MROH7: variants seen among roughly 807,000 people sequenced by gnomAD.
MROH7 encodes maestro heat like repeat family member 7, also known as maestro heat-like repeat-containing protein family member 7.
MROH7 carries 113 observed loss-of-function variants against 129.2 expected under a neutral mutation model. That is an observed-to-expected ratio of 0.87 (90% CI 0.75 to 1.02). The LOEUF (loss-of-function observed/expected upper bound fraction) is 1.02, where lower values mean the gene tolerates loss of function less well. Among genes scored for constraint, MROH7 ranks in the 50% least tolerant of loss-of-function variants. MROH7 has a pLI of 0.00. For missense variants in MROH7, 1,601 were observed against 1,671.3 expected (o/e 0.96, Z 0.73); for synonymous variants, 655 against 667.9 (o/e 0.98, Z 0.30).
chr1:54,709,163 T>C, intron 23 of MROH7, 87 bp downstream of exon 23: 1 of 1,262,170 alleles, frequency 7.9e-7, no homozygotes, highest in African/African-American at 1.5e-5. Context: ...AGGGAAGGGA[T>C]GTGTCCCAAG....
chr1:54,679,580 G>T lies in MROH7; in HGVS notation c.2226+141G>T. ...CTAAGCCATGGGGCAGGGAAGGGGT[G>T]CTGGTGGCTGAGTTCTAGGTGCTCC... On this transcript the variant is annotated intron_variant, in intron 12 of 23. Coordinates refer to ENST00000421030, the MANE Select transcript of MROH7 (RefSeq NM_001039464.4). 3.1e-6 allele frequency: 3 copies of T among 956,626 alleles called. No homozygotes were observed. In the South Asian group the frequency reaches 5.2e-5, roughly 16 times the overall value. 59.3% of individuals were successfully genotyped at this position (956,626 alleles called of 1,614,324 possible). A position where few individuals can be genotyped will look rare whatever the true frequency, so the allele number is the denominator to read the frequency against.
At chr1:54,708,932 T>C in intron 22 of MROH7, 82 bp from the exon 23 acceptor site, 3 of 1,183,056 alleles carry the variant, frequency 2.5e-6, no homozygotes, top group Non-Finnish European at 3.7e-6. Context: ...AAAGCATCTC[T>C]GAGGAACTCT....
rs1418171119 is a variant in MROH7 at position 54,668,905 on chromosome 1, G to A, written c.1357G>A (p.Gly453Arg). 1.9e-6 allele frequency: 3 copies of A among 1,614,052 alleles called. No homozygotes were observed. The highest frequency in any genetic ancestry group is 1.7e-5 in the Admixed American group (1 of 59,998). Residue 453 changes from glycine to arginine, a missense_variant, in exon 5 of 24, where the codon GGA becomes AGA. Coordinates refer to ENST00000421030, the MANE Select transcript of MROH7 (RefSeq NM_001039464.4). Reference protein sequence around the residue: ...QKSQDLLEAEGEKKTMIKKIM... With the variant: ...QKSQDLLEAEREKKTMIKKIM... ...GAGCCAGGATCTGCTGGAGGCAGAA[G>A]GAGAAAAGAAGACCATGATAAAGAA... is the stretch of plus-strand genomic sequence containing the variant.
intron 3 of MROH7, among the ~76,000 whole-genome samples, chr1:54,660,595 C>A (rs1037993923): frequency 1.4e-4 from 22 of 152,280 alleles, no homozygotes; most frequent in African/African-American, 4.8e-4. Flanking sequence ...AGGCGGATCA[C>A]CTGAGGTCAG....
intron 3 of MROH7, among the ~76,000 whole-genome samples, chr1:54,657,823 G>A (rs1644672335): frequency 6.6e-6 from 1 of 151,932 alleles, no homozygotes; most frequent in South Asian, 2.1e-4. Flanking sequence ...ACTATGCCCG[G>A]CTTATTTTGG....
At chr1:54,665,307 C>A (rs145372615) in intron 4 of MROH7, 67 bp downstream of exon 4, 6 of 1,263,780 alleles carry the variant, frequency 4.7e-6, no homozygotes, top group Non-Finnish European at 3.4e-6. Flanking sequence ...CCCCCTACCC[C>A]CCAGCCCAGC....
chr1:54,670,712 C>T, intron 6 of MROH7, 88 bp from the exon 7 acceptor site: 1 of 1,544,962 alleles, frequency 6.5e-7, no homozygotes, highest in Non-Finnish European at 8.8e-7. Flanking sequence ...TCCCCTTGCC[C>T]AGTCCCTGTG....
intron 16 of MROH7, among the ~76,000 whole-genome samples, chr1:54,694,360 T>C (rs535993414): frequency 6.4e-4 from 98 of 152,366 alleles, no homozygotes; most frequent in Non-Finnish European, 9.8e-4. Flanking sequence ...TGGAGCATAA[T>C]GCAGTGCTCC....
At chr1:54,669,488 A>G (rs484251) in intron 5 of MROH7, among the ~76,000 whole-genome samples, 121,295 of 152,088 alleles carry the variant, frequency 0.8, 48,744 homozygotes, top group East Asian at 1. Flanking sequence ...AACATCTGCT[A>G]TGTGTAGGTG....
intron 21 of MROH7, among the ~76,000 whole-genome samples, chr1:54,705,301 T>C (rs1016079965): frequency 1.3e-5 from 2 of 152,224 alleles, no homozygotes; most frequent in Non-Finnish European, 2.9e-5. Context: ...TTCATTCATT[T>C]GTTCATTCAT....
At chr1:54,667,437 A>G (rs749019491) in intron 4 of MROH7, among the ~76,000 whole-genome samples, 10 of 151,376 alleles carry the variant, frequency 6.6e-5, no homozygotes, top group Admixed American at 2.6e-4. Flanking sequence ...CCTGGGCAAC[A>G]TCGTGAGACC....
At position 54,679,250 on chromosome 1, in the gene MROH7, A is replaced by G. The variant is rs1168277170; in HGVS notation, c.2050-13A>G. On this transcript the variant is annotated splice_polypyrimidine_tract_variant and intron_variant, in intron 11 of 23. Transcript: ENST00000421030. ...CCCATCAGTGTGTCATGATCTCAGC[A>G]CCTTTGTTTCAGGAATTTGGAGACT... 3.1e-6 allele frequency: 5 copies of G among 1,613,792 alleles called. No homozygotes were observed. In the African/African-American group the frequency reaches 6.7e-5, roughly 22 times the overall value.
At chr1:54,657,227 T>G (rs1172475877) in intron 3 of MROH7, among the ~76,000 whole-genome samples, 1 of 151,748 alleles carries the variant, frequency 6.6e-6, no homozygotes, top group Non-Finnish European at 1.5e-5. Context: ...TTTTAAATAT[T>G]TTTAGTACAG....
chr1:54,648,111 T>C (rs2101055859), intron 1 of MROH7, among the ~76,000 whole-genome samples: 1 of 151,916 alleles, frequency 6.6e-6, no homozygotes, highest in Admixed American at 6.6e-5. Context: ...CTCGAACTCC[T>C]GGGCTCAAGT....
At position 54,706,615 on chromosome 1, in the gene MROH7, C is replaced by T. The variant is rs919880698; in HGVS notation, c.3667+78C>T. ...AGTTTGTTTCCTCCCAGGCTGCTAG[C>T]CCTTTCAGCACCTGGGGGGATGCTT... On this transcript the variant is annotated intron_variant, in intron 22 of 23. Coordinates refer to ENST00000421030, the MANE Select transcript of MROH7 (RefSeq NM_001039464.4). 7.4e-6 allele frequency: 8 copies of T among 1,085,824 alleles called. No individual in the cohort carries two copies. In the African/African-American group the frequency reaches 1.2e-4, roughly 17 times the overall value. 67.3% of individuals were successfully genotyped at this position (1,085,824 alleles called of 1,614,324 possible). A position where few individuals can be genotyped will look rare whatever the true frequency, so the allele number is the denominator to read the frequency against.
rs1205314352 is a variant in MROH7 at position 54,682,810 on chromosome 1, G to C, written c.2520+16G>C. On this transcript the variant is annotated intron_variant, in intron 14 of 23. Transcript: ENST00000421030. ...GCCCCTGGCGGTGAGCACCCAGTCAGCCAGCCCCTATTGCTGCCTGTCCTG... is the reference window on the plus strand; with the variant it reads ...GCCCCTGGCGGTGAGCACCCAGTCACCCAGCCCCTATTGCTGCCTGTCCTG... The C allele has an allele frequency of 1.7e-5, 27 of 1,606,716 alleles. No homozygotes were observed. Among genetic ancestry groups the C allele is most frequent in the Non-Finnish European group, 2.3e-5 (27 of 1,178,780 alleles).
chr1:54,663,696 A>C (rs370485357), intron 3 of MROH7: 51 of 400,706 alleles, frequency 1.3e-4, no homozygotes, highest in East Asian at 4.6e-4. Flanking sequence ...AAAAAAAAAA[A>C]AAAAACAAAA....
At chr1:54,701,032 C>T in intron 18 of MROH7, 111 bp from the exon 19 acceptor site, 1 of 1,210,668 alleles carries the variant, frequency 8.3e-7, no homozygotes. Flanking sequence ...AGGCCAAGGC[C>T]TGGAAGTGGG....
chr1:54,648,367 TA>T (rs1430500201), intron 1 of MROH7, among the ~76,000 whole-genome samples: 33 of 151,096 alleles, frequency 2.2e-4, no homozygotes, highest in African/African-American at 8.1e-4. Flanking sequence ...TTTATTTATT[TA>T]TTTATTTATT....
Sources: gnomAD v4.1 joint callset for allele counts (sites outside exome capture counted in the v4.1 genomes callset) on GRCh38, gnomAD v4.1.1 for gene constraint, MANE v1.5 for transcripts, NCBI Gene and HGNC (gene_info 2026-07-23, HGNC 2026-07-21) for gene names.